CDH11: variants seen among roughly 807,000 people sequenced by gnomAD.
CDH11 encodes the protein cadherin 11.
In CDH11, 11 loss-of-function variants were observed where a neutral mutation model predicts 67.8. That is an observed-to-expected ratio of 0.16 (90% CI 0.10 to 0.27). The LOEUF is 0.27. Among genes scored for constraint, CDH11 ranks in the 10% least tolerant of loss-of-function variants. CDH11 has a pLI of 1.00. For synonymous variants in CDH11, 419 were observed against 400.0 expected (o/e 1.05, Z -0.57); for missense variants, 847 against 1,031.2 (o/e 0.82, Z 2.45).
chr16:65,066,868 AAC>A (rs1321549400), intron 1 of CDH11, among the ~76,000 whole-genome samples: 4 of 152,228 alleles, frequency 2.6e-5, no homozygotes, highest in South Asian at 2.1e-4. Context: ...GCAAACCATA[AAC>A]ACAGAGACCT....
At chr16:65,025,668 A>C (rs1324206879) in intron 2 of CDH11, among the ~76,000 whole-genome samples, 1 of 152,158 alleles carries the variant, frequency 6.6e-6, no homozygotes, top group Admixed American at 6.5e-5. Flanking sequence ...CTGGCTTTTA[A>C]CCTTTAGAAG....
intron 1 of CDH11, among the ~76,000 whole-genome samples, chr16:65,106,490 T>C (rs1431950725): frequency 1.3e-5 from 2 of 152,180 alleles, no homozygotes. Context: ...CATCCTCAAA[T>C]TCGGTGTAGA....
In CDH11 at chr16:64,998,601, C is replaced by G. The variant is rs868248780; in HGVS notation, c.484G>C (p.Glu162Gln). The G allele has an allele frequency of 6.2e-7, 1 of 1,613,930 alleles. No individual in the cohort carries two copies. Among genetic ancestry groups the G allele is most frequent in the East Asian group, 2.2e-5 (1 of 44,842 alleles). Residue 162 changes from glutamate to glutamine, a missense_variant, in exon 4 of 13, where the codon GAG becomes CAG. Coordinates refer to ENST00000268603, the MANE Select transcript of CDH11 (RefSeq NM_001797.4). ...TCAGGCACGTTGGCATGATAGGTCT[C>G]GTGCAGGAACTCCGGAGGGTTGTCA... is the stretch of plus-strand genomic sequence containing the variant. The part of the protein sequence containing the change: ...INDNPPEFLH[E>Q]TYHANVPERS...
intron 2 of CDH11, among the ~76,000 whole-genome samples, chr16:65,005,588 G>A (rs2142531595): frequency 6.6e-6 from 1 of 152,272 alleles, no homozygotes; most frequent in South Asian, 2.1e-4. Context: ...AATGGATCCT[G>A]TTAGGGAAGG....
intron 11 of CDH11, among the ~76,000 whole-genome samples, chr16:64,952,331 G>A (rs530024067): frequency 6.6e-6 from 1 of 152,256 alleles, no homozygotes; most frequent in Non-Finnish European, 1.5e-5. Flanking sequence ...ACCTCTGTGG[G>A]ACTGTGAACT....
At chr16:65,066,401 G>A (rs1375260860) in intron 1 of CDH11, among the ~76,000 whole-genome samples, 12 of 152,152 alleles carry the variant, frequency 7.9e-5, no homozygotes, top group Admixed American at 7.9e-4. Context: ...CATCTATTAT[G>A]TGCCAGGCAT....
At chr16:65,039,039 T>C (rs2073811546) in intron 2 of CDH11, among the ~76,000 whole-genome samples, 1 of 152,194 alleles carries the variant, frequency 6.6e-6, no homozygotes, top group Non-Finnish European at 1.5e-5. Context: ...GGGAAGCATC[T>C]GGATGTGAAA....
chr16:65,061,181 C>G (rs901002247), intron 1 of CDH11, among the ~76,000 whole-genome samples: 1 of 152,184 alleles, frequency 6.6e-6, no homozygotes, highest in African/African-American at 2.4e-5. Flanking sequence ...ATCAAGGAAG[C>G]TGTGAGCTAT....
chr16:64,988,641 A>G (rs2072550996), intron 6 of CDH11, among the ~76,000 whole-genome samples: 1 of 152,110 alleles, frequency 6.6e-6, no homozygotes, highest in African/African-American at 2.4e-5. Flanking sequence ...TCAGGTAATG[A>G]TGGAGAACCA....
intron 1 of CDH11, among the ~76,000 whole-genome samples, chr16:65,105,976 G>A (rs1043191625): frequency 5.3e-5 from 8 of 152,152 alleles, no homozygotes; most frequent in Non-Finnish European, 8.8e-5. Flanking sequence ...GTTCCTTGGA[G>A]GACAGGTTTG....
At chr16:65,074,103 A>T (rs1214990352) in intron 1 of CDH11, among the ~76,000 whole-genome samples, 1 of 152,248 alleles carries the variant, frequency 6.6e-6, no homozygotes, top group African/African-American at 2.4e-5. Context: ...AGAATAAAGC[A>T]AATACCTATT....
At chr16:64,953,154 T>C (rs2071408341) in intron 11 of CDH11, among the ~76,000 whole-genome samples, 1 of 152,042 alleles carries the variant, frequency 6.6e-6, no homozygotes, top group Non-Finnish European at 1.5e-5. Context: ...TTGTTTTCTG[T>C]TTTTCTCCCC....
At chr16:64,965,205 C>CAAAAAAAAA (rs71143537) in intron 11 of CDH11, among the ~76,000 whole-genome samples, 3 of 56,934 alleles carry the variant, frequency 5.3e-5, no homozygotes, top group African/African-American at 8.9e-5. Context: ...CTAAAAATAC[C>CAAAAAAAAA]AAAAAAAAAA....
chr16:65,065,432 G>C (rs2074297534), intron 1 of CDH11, among the ~76,000 whole-genome samples: 1 of 152,136 alleles, frequency 6.6e-6, no homozygotes, highest in Non-Finnish European at 1.5e-5. Flanking sequence ...GCAAAGCTTG[G>C]GCTAAAGTCA....
chr16:65,022,659 G>A (rs1022236718), intron 2 of CDH11, among the ~76,000 whole-genome samples: 1 of 152,236 alleles, frequency 6.6e-6, no homozygotes, highest in African/African-American at 2.4e-5. Context: ...GTAAGGCCAA[G>A]TTTCACCTTG....
intron 1 of CDH11, among the ~76,000 whole-genome samples, chr16:65,108,582 A>C (rs2075104649): frequency 6.6e-6 from 1 of 152,170 alleles, no homozygotes; most frequent in Non-Finnish European, 1.5e-5. Context: ...TTGGCAAAGT[A>C]TTGAGATTTA....
chr16:65,074,068 T>A (rs1370793152), intron 1 of CDH11, among the ~76,000 whole-genome samples: 2 of 152,222 alleles, frequency 1.3e-5, no homozygotes, highest in Non-Finnish European at 2.9e-5. Context: ...ATTTGTTGTT[T>A]TGTTTTGTTC....
At chr16:65,017,469 C>T (rs2073334596) in intron 2 of CDH11, among the ~76,000 whole-genome samples, 1 of 152,070 alleles carries the variant, frequency 6.6e-6, no homozygotes, top group Non-Finnish European at 1.5e-5. Flanking sequence ...TGGTGAGGGC[C>T]ACTCATAACT....
chr16:65,058,129 T>C (rs990987388), intron 1 of CDH11, among the ~76,000 whole-genome samples: 2 of 151,972 alleles, frequency 1.3e-5, no homozygotes, highest in Non-Finnish European at 2.9e-5. Context: ...AGCTGAGACT[T>C]GAGGATCGTT....
Sources: gnomAD v4.1 joint callset for allele counts (sites outside exome capture counted in the v4.1 genomes callset) on GRCh38, gnomAD v4.1.1 for gene constraint, MANE v1.5 for transcripts, NCBI Gene and HGNC (gene_info 2026-07-23, HGNC 2026-07-21) for gene names.